Variants in CCDC91 observed in about 807,000 individuals in gnomAD.
CCDC91 encodes the protein coiled-coil domain-containing protein 91.
In CCDC91, 48 loss-of-function variants were observed where a neutral mutation model predicts 63.2. The ratio of observed to expected loss-of-function variants is 0.76; its 90% confidence interval spans 0.60 to 0.97. The LOEUF (loss-of-function observed/expected upper bound fraction) is 0.97, where lower values mean the gene tolerates loss of function less well. Ranked by LOEUF, CCDC91 falls within the 50% of genes least tolerant of loss-of-function variation. The probability of loss-of-function intolerance (pLI) is 0.00; values close to 1 mark genes in which losing one functional copy is unlikely to be tolerated. For synonymous variants in CCDC91, 167 were observed against 165.8 expected, an observed-to-expected ratio of 1.01 and a Z score of -0.06; for missense variants, 500 against 494.6, an observed-to-expected ratio of 1.01 and a Z score of -0.10.
intron 6 of CCDC91, among the ~76,000 whole-genome samples, chr12:28,321,687 A>G (rs180832311): frequency 1.1e-4 from 17 of 151,978 alleles, no homozygotes; most frequent in African/African-American, 3.6e-4. Context: ...CAAGCCAGGA[A>G]GAAAGCCCTC....
intron 1 of CCDC91, among the ~76,000 whole-genome samples, chr12:28,198,547 A>G (rs1416749520): frequency 6.6e-6 from 1 of 152,198 alleles, no homozygotes. Context: ...TAAATGGGCC[A>G]CCCTGAATCA....
At chr12:28,198,545 C>T (rs1021116649) in intron 1 of CCDC91, among the ~76,000 whole-genome samples, 1 of 152,072 alleles carries the variant, frequency 6.6e-6, no homozygotes, top group Non-Finnish European at 1.5e-5. Flanking sequence ...ATTAAATGGG[C>T]CACCCTGAAT....
At chr12:28,291,191 T>TAACCTCTTGGAAAGCATTTTCTGC (rs1565742477) in intron 3 of CCDC91, among the ~76,000 whole-genome samples, 2 of 152,242 alleles carry the variant, frequency 1.3e-5, no homozygotes. Context: ...CAGGATTCAG[T>TAACCTCTTGGAAAGCATTTTCTGC]AACCTCTTGG....
intron 12 of CCDC91, among the ~76,000 whole-genome samples, chr12:28,528,871 A>G (rs1342213926): frequency 6.6e-6 from 1 of 152,178 alleles, no homozygotes; most frequent in East Asian, 1.9e-4. Context: ...ATCGGAAACT[A>G]GTTAAATGAA....
At chr12:28,404,229 T>A (rs1946796350) in intron 8 of CCDC91, among the ~76,000 whole-genome samples, 1 of 152,092 alleles carries the variant, frequency 6.6e-6, no homozygotes, top group African/African-American at 2.4e-5. Context: ...TTAAAAATAT[T>A]TTCAATATCT....
chr12:28,520,689 G>T (rs1454148392), intron 12 of CCDC91, among the ~76,000 whole-genome samples: 3 of 152,150 alleles, frequency 2.0e-5, no homozygotes, highest in Non-Finnish European at 2.9e-5. Context: ...TTCTTCTAGG[G>T]TTTTTATGGT....
At chr12:28,489,090 TA>T (rs1951867818) in intron 12 of CCDC91, among the ~76,000 whole-genome samples, 1 of 151,980 alleles carries the variant, frequency 6.6e-6, no homozygotes, top group South Asian at 2.1e-4. Flanking sequence ...TCTGGTTCTT[TA>T]AAGAAGAATG....
intron 6 of CCDC91, among the ~76,000 whole-genome samples, chr12:28,328,108 T>G (rs1941180950): frequency 6.6e-6 from 1 of 152,184 alleles, no homozygotes; most frequent in African/African-American, 2.4e-5. Context: ...TTGATGTTTG[T>G]ATGGCTGTCA....
intron 1 of CCDC91, among the ~76,000 whole-genome samples, chr12:28,216,388 T>C (rs1943561229): frequency 6.6e-6 from 1 of 152,072 alleles, no homozygotes; most frequent in Non-Finnish European, 1.5e-5. Context: ...ATTCAGTTAC[T>C]TTAACATGGT....
chr12:28,279,277 G>T (rs1948442935), intron 3 of CCDC91, among the ~76,000 whole-genome samples: 1 of 151,800 alleles, frequency 6.6e-6, no homozygotes, highest in South Asian at 2.1e-4. Context: ...CTTTAGGATT[G>T]GGAAACTGTC....
chr12:28,217,611 A>G (rs550476218), intron 1 of CCDC91, among the ~76,000 whole-genome samples: 1 of 152,262 alleles, frequency 6.6e-6, no homozygotes, highest in African/African-American at 2.4e-5. Flanking sequence ...AATATGAACC[A>G]AATTGTGAAA....
chr12:28,334,170 C>G (rs1239872181), intron 6 of CCDC91, among the ~76,000 whole-genome samples: 2 of 151,796 alleles, frequency 1.3e-5, no homozygotes, highest in African/African-American at 4.8e-5. Flanking sequence ...GAATGTGAGG[C>G]GCTATATGTG....
chr12:28,351,632 G>A (rs2138263573), intron 6 of CCDC91, among the ~76,000 whole-genome samples: 1 of 151,698 alleles, frequency 6.6e-6, no homozygotes, highest in Middle Eastern at 3.5e-3. Context: ...ATGCCTCTGG[G>A]CCCTGGGCTT....
intron 1 of CCDC91, among the ~76,000 whole-genome samples, chr12:28,218,703 G>GTGTA (rs138080482): frequency 7.0e-6 from 1 of 143,558 alleles, no homozygotes; most frequent in Non-Finnish European, 1.5e-5. Context: ...AGATGTTTGT[G>GTGTA]TGTGTGTGTG....
chr12:28,465,926 CAG>C (rs1208350231), intron 11 of CCDC91, among the ~76,000 whole-genome samples: 3 of 151,946 alleles, frequency 2.0e-5, no homozygotes, highest in Non-Finnish European at 2.9e-5. Context: ...CAAGATAACA[CAG>C]AGAAGGAATT....
intron 1 of CCDC91, among the ~76,000 whole-genome samples, chr12:28,196,737 A>G (rs1038156215): frequency 2.0e-5 from 3 of 152,222 alleles, no homozygotes; most frequent in Admixed American, 2.0e-4. Flanking sequence ...AAGGAAGACT[A>G]TAAAAAAAGT....
chr12:28,238,475 G>A (rs1945115645), intron 1 of CCDC91, among the ~76,000 whole-genome samples: 1 of 152,092 alleles, frequency 6.6e-6, no homozygotes. Flanking sequence ...TGGTAGAAAT[G>A]TGAGTTACTA....
At chr12:28,481,150 G>A (rs963389752) in intron 11 of CCDC91, among the ~76,000 whole-genome samples, 3 of 151,952 alleles carry the variant, frequency 2.0e-5, no homozygotes, top group African/African-American at 7.2e-5. Context: ...GGATGTTTCT[G>A]CATATATTTT....
chr12:28,300,496 A>C (rs1263046378), intron 3 of CCDC91, among the ~76,000 whole-genome samples: 2 of 143,684 alleles, frequency 1.4e-5, no homozygotes, highest in African/African-American at 4.9e-5. Context: ...TAATACAGCA[A>C]ATTTTGATAA....
Sources: allele counts gnomAD v4.1 joint callset (sites outside exome capture counted in the v4.1 genomes callset), GRCh38; gene constraint gnomAD v4.1.1; transcripts MANE v1.5; gene names NCBI Gene and HGNC (gene_info 2026-07-23, HGNC 2026-07-21).